NCOR2: variants seen among roughly 807,000 people sequenced by gnomAD.
NCOR2 encodes CTG repeat protein 26.
A neutral mutation model predicts 262.9 loss-of-function variants in NCOR2; 81 were observed. That is an observed-to-expected ratio of 0.31 (90% CI 0.26 to 0.37). NCOR2 has a LOEUF of 0.37. NCOR2 is among the 10% of genes least tolerant of loss of function. The pLI is 1.00. For synonymous variants in NCOR2, 1,659 were observed against 1,559.3 expected, an observed-to-expected ratio of 1.06 and a Z score of -1.51; for missense variants, 3,385 against 3,621.4, an observed-to-expected ratio of 0.93 and a Z score of 1.68.
chr12:124,381,645 T>G (rs1160546709), intron 17 of NCOR2, among the ~76,000 whole-genome samples: 2 of 152,160 alleles, frequency 1.3e-5, no homozygotes, highest in East Asian at 1.9e-4. Context: ...AGCTCATGAG[T>G]TGAGGAGCTC....
At chr12:124,561,712 G>A (rs754254900) in intron 1 of NCOR2, among the ~76,000 whole-genome samples, 38 of 152,212 alleles carry the variant, frequency 2.5e-4, no homozygotes, top group Non-Finnish European at 4.4e-4. Context: ...GAGAAAACAC[G>A]CATGAAAAGG....
chr12:124,426,839 C>A, intron 10 of NCOR2, 39 bp from the exon 13 acceptor site: 1 of 1,514,802 alleles, frequency 6.6e-7, no homozygotes, highest in Non-Finnish European at 8.9e-7. Flanking sequence ...GGCCCAGGGA[C>A]GAGGTGCTCC....
chr12:124,337,465 C>G (rs924228729), intron 37 of NCOR2: 1 of 635,770 alleles, frequency 1.6e-6, no homozygotes, highest in African/African-American at 1.8e-5. Context: ...AAAACGGATG[C>G]AAGCATCTTA....
intron 16 of NCOR2, among the ~76,000 whole-genome samples, chr12:124,386,345 T>C (rs1415229037): frequency 2.0e-5 from 3 of 151,498 alleles, no homozygotes; most frequent in Admixed American, 6.6e-5. Context: ...GGGAGACGGG[T>C]TGTTTTCCGG....
chr12:124,414,091 C>A (rs2042735337), intron 13 of NCOR2, among the ~76,000 whole-genome samples: 1 of 152,218 alleles, frequency 6.6e-6, no homozygotes, highest in African/African-American at 2.4e-5. Flanking sequence ...CTGCACAGAC[C>A]ACAGGAGAGG....
Position 124,343,365 on chromosome 12 carries a change from T to C in NCOR2, c.4715-139A>G, listed in dbSNP as rs180687921. 7.5e-4 allele frequency: 489 copies of C among 655,128 alleles called. 3 individuals carry two copies. Among genetic ancestry groups the C allele is most frequent in the Non-Finnish European group, 2.2e-4 (89 of 397,594 alleles). The allele number at this position is 655,128 out of a possible 1,614,324, so 40.6% of individuals were successfully genotyped here. A position where few individuals can be genotyped will look rare whatever the true frequency, so the allele number is the denominator to read the frequency against. ...ATTTCTTCATTGCCTTAGTTCACTTTTTGCTCACTGACTCATTTGCTTTTG... is the reference window on the plus strand; with the variant it reads ...ATTTCTTCATTGCCTTAGTTCACTTCTTGCTCACTGACTCATTTGCTTTTG... On this transcript the variant is annotated intron_variant, in intron 32 of 46. Coordinates refer to ENST00000405201, the Ensembl canonical transcript of NCOR2.
At chr12:124,543,428 G>A (rs2051440936) in intron 1 of NCOR2, among the ~76,000 whole-genome samples, 1 of 152,230 alleles carries the variant, frequency 6.6e-6, no homozygotes, top group South Asian at 2.1e-4. Flanking sequence ...TTTCAGGGGT[G>A]GGGAAACAGA....
intron 34 of NCOR2, 85 bp downstream of exon 36, chr12:124,341,738 C>A: frequency 6.5e-7 from 1 of 1,529,094 alleles, no homozygotes; most frequent in Non-Finnish European, 8.8e-7. Context: ...CCAGGTCTAG[C>A]TGCCTCCGCG....
intron 12 of NCOR2, 138 bp downstream of exon 14, chr12:124,422,363 G>A: frequency 1.1e-6 from 1 of 946,564 alleles, no homozygotes; most frequent in Non-Finnish European, 1.6e-6. Flanking sequence ...AGGGAGGGAG[G>A]AGGGGAGCAT....
At chr12:124,494,720 G>A (rs76552632) in intron 1 of NCOR2, among the ~76,000 whole-genome samples, 8,063 of 152,220 alleles carry the variant, frequency 0.053, 306 homozygotes, top group Non-Finnish European at 0.087. Flanking sequence ...CACACGGAAC[G>A]GGAGGACAGG....
Position 124,523,422 on chromosome 12 carries a change from C to T in NCOR2, c.-118+12143G>A, listed in dbSNP as rs561911235. On this transcript the variant is annotated intron_variant, in intron 1 of 46. Coordinates refer to the NCOR2 transcript ENST00000404621. This position sits in a 1 kb window ranked among gnomAD's most constrained non-coding sequence, Gnocchi z 4.0. ...AAGAGGAGTGCCCAGGAATGCTCCA[C>T]GCCAGCCAGCTGGATCCCAGGGACC... Among the ~76,000 whole-genome samples the T allele has an allele frequency of 2.0e-5, 3 of 152,246 alleles. No homozygotes were observed. The South Asian group carries it at 6.2e-4, about 32-fold the overall frequency.
At chr12:124,354,799 A>G (rs1593183445) in intron 25 of NCOR2, 38 bp downstream of exon 27, 1 of 1,591,002 alleles carries the variant, frequency 6.3e-7, no homozygotes, top group East Asian at 2.2e-5. Flanking sequence ...GCCAGAGCCC[A>G]GCCTGAGCCA....
intron 13 of NCOR2, among the ~76,000 whole-genome samples, chr12:124,405,199 C>G (rs12821397): frequency 1.3e-5 from 2 of 152,210 alleles, no homozygotes; most frequent in African/African-American, 4.8e-5. Flanking sequence ...TCTCCATATT[C>G]GATCGCTCAT....
chr12:124,446,798 A>G (rs1446031304), intron 7 of NCOR2, among the ~76,000 whole-genome samples: 2 of 152,274 alleles, frequency 1.3e-5, no homozygotes, highest in African/African-American at 4.8e-5. Flanking sequence ...CCAAAAAACT[A>G]AAATTATTAG....
chr12:124,373,316 AATC>A (rs1555308029), intron 19 of NCOR2, among the ~76,000 whole-genome samples: 9 of 23,672 alleles, frequency 3.8e-4, no homozygotes, highest in African/African-American at 8.2e-4. Flanking sequence ...CACAGTGGAC[AATC>A]ATGAGGCCAG....
At chr12:124,436,239 C>T (rs2044329710) in intron 8 of NCOR2, among the ~76,000 whole-genome samples, 1 of 152,242 alleles carries the variant, frequency 6.6e-6, no homozygotes, top group Admixed American at 6.5e-5. Flanking sequence ...CACAGACCTA[C>T]AGGCGCTGGG....
chr12:124,452,860 C>T (rs754281727), intron 6 of NCOR2, among the ~76,000 whole-genome samples: 2 of 152,206 alleles, frequency 1.3e-5, no homozygotes, highest in Non-Finnish European at 1.5e-5. Flanking sequence ...GAGGGGCCCA[C>T]AAGGCGAAGG....
chr12:124,335,526 G>A (rs553137140), exon 39 of NCOR2: 13 of 1,608,894 alleles, frequency 8.1e-6, no homozygotes, highest in African/African-American at 8.0e-5. Flanking sequence ...GGCTCTTGTC[G>A]AGCTCTTCCA....
At chr12:124,485,863 C>G (rs553341925) in intron 2 of NCOR2, among the ~76,000 whole-genome samples, 1 of 152,178 alleles carries the variant, frequency 6.6e-6, no homozygotes, top group Non-Finnish European at 1.5e-5. Context: ...GGAGAAAGAA[C>G]GTGGCCTACC....
Sources: gnomAD v4.1 joint callset for allele counts (sites outside exome capture counted in the v4.1 genomes callset) on GRCh38, gnomAD v4.1.1 for gene constraint, Gnocchi (gnomAD v3.1) non-coding constraint, MANE v1.5 for transcripts, NCBI Gene and HGNC (gene_info 2026-07-23, HGNC 2026-07-21) for gene names.